The following BCAR3 variants were observed in gnomAD, a reference collection of about 807,000 sequenced individuals.
The protein encoded by BCAR3 is BCAR3 adaptor protein, NSP family member, also known as breast cancer anti-estrogen resistance protein 3.
A neutral mutation model predicts 80.1 loss-of-function variants in BCAR3; 37 were observed. The observed-to-expected ratio is 0.46, with a 90% CI of 0.36 to 0.61. The LOEUF (loss-of-function observed/expected upper bound fraction) is 0.61. Ranked by LOEUF, BCAR3 falls within the 20% of genes least tolerant of loss-of-function variation. The pLI is 0.00. For synonymous variants in BCAR3, 389 were observed against 418.9 expected (o/e 0.93, Z 0.87); for missense variants, 978 against 1,068.2 (o/e 0.92, Z 1.18).
intron 2 of BCAR3, among the ~76,000 whole-genome samples, chr1:93,777,525 C>A (rs1479552022): frequency 6.6e-6 from 1 of 151,278 alleles, no homozygotes; most frequent in African/African-American, 2.4e-5. Flanking sequence ...TCTTCCTCTT[C>A]TTCTTTCCTT....
chr1:93,705,439 A>G (rs1649799553), intron 3 of BCAR3, among the ~76,000 whole-genome samples: 1 of 152,204 alleles, frequency 6.6e-6, no homozygotes, highest in Admixed American at 6.5e-5. Context: ...AACAACTGCC[A>G]AGGTGCTTCA....
At chr1:93,816,350 T>C (rs1293019084) in intron 2 of BCAR3, among the ~76,000 whole-genome samples, 1 of 152,160 alleles carries the variant, frequency 6.6e-6, no homozygotes, top group African/African-American at 2.4e-5. Context: ...TTTGCTTTCA[T>C]TGGTGAATAA....
chr1:93,833,186 C>A (rs547865035), intron 2 of BCAR3, among the ~76,000 whole-genome samples: 2 of 152,268 alleles, frequency 1.3e-5, no homozygotes, highest in South Asian at 4.1e-4. Flanking sequence ...TGATGCCCAC[C>A]TGAGCTGCAA....
chr1:93,740,444 G>A (rs1483582610), intron 2 of BCAR3, among the ~76,000 whole-genome samples: 1 of 152,210 alleles, frequency 6.6e-6, no homozygotes, highest in Non-Finnish European at 1.5e-5. Flanking sequence ...CCATCAGTCT[G>A]TCAGGGTCTG....
intron 1 of BCAR3, among the ~76,000 whole-genome samples, chr1:93,675,925 C>CAAAAAAAAAAAAAAAAAAAAA (rs58706715): frequency 1.9e-5 from 1 of 51,438 alleles, no homozygotes. Flanking sequence ...AAATAGGAGA[C>CAAAAAAAAAAAAAAAAAAAAA]AAAAAAAAAA....
rs113483970 is a variant in BCAR3, at chr1:93,778,523, CT to C, written c.-63+67043del. On this transcript the variant is annotated intron_variant, in intron 2 of 13. Transcript: ENST00000370244. ...ATCTGATTACTAAAATCATGGAGTC[CT>C]TTTTTTTTTCCTTTTGCCAACCAAA... 8.8e-4 allele frequency among the ~76,000 whole-genome samples: 131 copies of C among 148,444 alleles called. 1 individual carries two copies. Among genetic ancestry groups the C allele is most frequent in the African/African-American group, 2.3e-3 (94 of 40,406 alleles).
intron 3 of BCAR3, among the ~76,000 whole-genome samples, chr1:93,641,920 T>C (rs1675992205): frequency 6.6e-6 from 1 of 152,212 alleles, no homozygotes; most frequent in Non-Finnish European, 1.5e-5. Flanking sequence ...AAATCATTTG[T>C]CATCTATTTA....
intron 2 of BCAR3, among the ~76,000 whole-genome samples, chr1:93,808,808 T>G (rs1045891532): frequency 6.6e-6 from 1 of 152,176 alleles, no homozygotes; most frequent in South Asian, 2.1e-4. Flanking sequence ...ATAAGATAAT[T>G]TGTTCCAGAA....
chr1:93,675,925 C>CAAAAAAAAAAAAAAAAAAAAAAAGAAAAA (rs1648459665), intron 1 of BCAR3, among the ~76,000 whole-genome samples: 1 of 51,444 alleles, frequency 1.9e-5, no homozygotes. Flanking sequence ...AAATAGGAGA[C>CAAAAAAAAAAAAAAAAAAAAAAAGAAAAA]AAAAAAAAAA....
chr1:93,658,998 C>T (rs918499721), intron 2 of BCAR3, among the ~76,000 whole-genome samples: 1 of 152,198 alleles, frequency 6.6e-6, no homozygotes, highest in African/African-American at 2.4e-5. Context: ...AGGTGAACTA[C>T]ACAACTGGGA....
chr1:93,760,591 A>T (rs898255704), intron 2 of BCAR3, among the ~76,000 whole-genome samples: 2 of 140,758 alleles, frequency 1.4e-5, no homozygotes, highest in Middle Eastern at 3.6e-3. Context: ...AATGGTAAAA[A>T]CCTATATAAA....
intron 2 of BCAR3, among the ~76,000 whole-genome samples, chr1:93,772,615 G>GT (rs1440249076): frequency 6.6e-6 from 1 of 151,772 alleles, no homozygotes; most frequent in African/African-American, 2.4e-5. Flanking sequence ...TTTATTTATT[G>GT]TTTTTTTGAG....
chr1:93,576,933 C>A (rs1318890688), intron 7 of BCAR3, among the ~76,000 whole-genome samples: 1 of 152,138 alleles, frequency 6.6e-6, no homozygotes, highest in African/African-American at 2.4e-5. Context: ...GGTGGGGGGA[C>A]TGCTTGAGGA....
Position 93,562,078 on chromosome 1 carries a change from A to ATAAG in BCAR3, c.*159_*162dup, listed in dbSNP as rs1184959684. 242 of 567,654 alleles carry ATAAG rather than the reference A, an allele frequency of 4.3e-4. 3 individuals carry two copies. The East Asian group carries it at 7.7e-3, about 18-fold the overall frequency. The allele number at this position is 567,654 out of a possible 1,614,324, so 35.2% of individuals were successfully genotyped here. A position where few individuals can be genotyped will look rare whatever the true frequency, so the allele number is the denominator to read the frequency against. ...AGTAGTAACTTTAGACAATTCATAA[A>ATAAG]TAAGTGTGCTCTGTGCAATTTACAC... is the stretch of plus-strand genomic sequence containing the variant. On this transcript the variant is annotated 3_prime_UTR_variant, in exon 12 of 12. Coordinates refer to ENST00000260502, the MANE Select transcript of BCAR3 (RefSeq NM_003567.4).
At chr1:93,737,168 G>C (rs901526937) in intron 2 of BCAR3, among the ~76,000 whole-genome samples, 2 of 152,178 alleles carry the variant, frequency 1.3e-5, no homozygotes, top group African/African-American at 4.8e-5. Flanking sequence ...GAATTGGAGA[G>C]GGGAAAGCCT....
At chr1:93,769,851 A>T (rs1246105545) in intron 2 of BCAR3, among the ~76,000 whole-genome samples, 1 of 152,226 alleles carries the variant, frequency 6.6e-6, no homozygotes, top group Non-Finnish European at 1.5e-5. Context: ...GAGGGAGCTC[A>T]GCTGACAGGA....
chr1:93,834,410 C>T (rs1263088959), intron 2 of BCAR3, among the ~76,000 whole-genome samples: 1 of 152,100 alleles, frequency 6.6e-6, no homozygotes, highest in Non-Finnish European at 1.5e-5. Context: ...CCCCATAGAT[C>T]CTAAATCCTT....
chr1:93,836,903 G>C (rs2100842979), intron 2 of BCAR3, among the ~76,000 whole-genome samples: 1 of 152,044 alleles, frequency 6.6e-6, no homozygotes, highest in East Asian at 1.9e-4. Context: ...GCCCCTGCCT[G>C]CAAGAGAAAA....
chr1:93,832,756 G>A (rs962607786), intron 2 of BCAR3, among the ~76,000 whole-genome samples: 1 of 152,086 alleles, frequency 6.6e-6, no homozygotes, highest in African/African-American at 2.4e-5. Flanking sequence ...TGCCAACTCG[G>A]AAAACATTCT....
Sources: allele counts gnomAD v4.1 joint callset (sites outside exome capture counted in the v4.1 genomes callset), GRCh38; gene constraint gnomAD v4.1.1; transcripts MANE v1.5; gene names NCBI Gene and HGNC (gene_info 2026-07-23, HGNC 2026-07-21).